The following DDX21 variants were observed in gnomAD, a reference collection of about 807,000 sequenced individuals.
The protein encoded by DDX21 is DExD-box helicase 21.
In DDX21, 18 loss-of-function variants were observed where a neutral mutation model predicts 90.0. That is an observed-to-expected ratio of 0.20 (90% CI 0.14 to 0.30). The LOEUF (loss-of-function observed/expected upper bound fraction) is 0.30, where lower values mean the gene tolerates loss of function less well. Ranked by LOEUF, DDX21 falls within the 10% of genes least tolerant of loss-of-function variation. The pLI is 1.00. For missense variants in DDX21, 673 were observed against 944.5 expected, an observed-to-expected ratio of 0.71 and a Z score of 3.77; for synonymous variants, 294 against 318.0, an observed-to-expected ratio of 0.92 and a Z score of 0.80.
chr10:68,969,718 C>T (rs559859950), intron 7 of DDX21, among the ~76,000 whole-genome samples: 91 of 152,198 alleles, frequency 6.0e-4, no homozygotes, highest in Non-Finnish European at 1.0e-3. Context: ...AAATCTAGTG[C>T]TTTGTGTTTA....
At chr10:68,973,473 A>T in intron 9 of DDX21, 72 bp from the exon 10 acceptor site, 1 of 1,590,874 alleles carries the variant, frequency 6.3e-7, no homozygotes, top group Non-Finnish European at 8.6e-7. Flanking sequence ...GTGTTCACTG[A>T]CCTGCATAGG....
At chr10:68,974,857 A>C in intron 11 of DDX21, 114 bp downstream of exon 11, 1 of 749,220 alleles carries the variant, frequency 1.3e-6, no homozygotes, top group Non-Finnish European at 2.1e-6. Flanking sequence ...TTTTTGAGAC[A>C]GGGTCTCACT....
chr10:68,975,414 C>A (rs1275643304), intron 11 of DDX21, among the ~76,000 whole-genome samples: 3 of 152,178 alleles, frequency 2.0e-5, no homozygotes, highest in South Asian at 2.1e-4. Context: ...GTGCCACATA[C>A]TCAGGGTAAG....
At chr10:68,978,405 T>C (rs1843137633) in intron 12 of DDX21, among the ~76,000 whole-genome samples, 1 of 152,224 alleles carries the variant, frequency 6.6e-6, no homozygotes, top group Non-Finnish European at 1.5e-5. Context: ...TTAATTGTTT[T>C]AATCCTAAAG....
intron 11 of DDX21, 112 bp from the exon 12 acceptor site, chr10:68,977,415 AAT>A (rs1843117138): frequency 8.2e-6 from 8 of 975,794 alleles, no homozygotes; most frequent in African/African-American, 1.6e-5. Context: ...ATCAAAAATA[AAT>A]ATGTTACACA....
Position 68,977,691 on chromosome 10 carries a change from A to G in DDX21, c.1902+3A>G. 6.2e-7 allele frequency: 1 copy of G among 1,608,614 alleles called. No homozygotes were observed. Among genetic ancestry groups the G allele is most frequent in the Admixed American group, 1.7e-5 (1 of 59,464 alleles). Reference sequence around the variant, plus strand: ...GCTCCTTGATCAACTCAAATGTGGTAAGGTTCTGCAGCACATTCCTGACAC... The same window carrying G: ...GCTCCTTGATCAACTCAAATGTGGTGAGGTTCTGCAGCACATTCCTGACAC... On this transcript the variant is annotated splice_donor_region_variant and intron_variant, in intron 12 of 14. Transcript: ENST00000354185.
intron 8 of DDX21, 53 bp downstream of exon 8, chr10:68,970,403 C>T: frequency 1.3e-6 from 2 of 1,554,344 alleles, no homozygotes; most frequent in Non-Finnish European, 1.7e-6. Flanking sequence ...AAATCTTCAC[C>T]TTGGGCATAT....
chr10:68,969,573 C>T lies in DDX21; in HGVS notation c.1236+452C>T, dbSNP rs140059931. Among the ~76,000 whole-genome samples the T allele has an allele frequency of 1.8e-3, 279 of 152,308 alleles. 1 individual carries two copies. The highest frequency in any genetic ancestry group is 6.4e-3 in the African/African-American group (265 of 41,560). ...GATTACAGGTGTGAGCCACCACGCC[C>T]GGCCCGATATCTGTGTTTTTAAAAT... On this transcript the variant is annotated intron_variant, in intron 7 of 14. Coordinates refer to ENST00000354185, the MANE Select transcript of DDX21 (RefSeq NM_004728.4).
chr10:68,963,160 T>G, intron 3 of DDX21, 131 bp from the exon 4 acceptor site: 1 of 910,242 alleles, frequency 1.1e-6, no homozygotes, highest in Non-Finnish European at 1.6e-6. Context: ...CCTAACTTTG[T>G]AGATGTTGAC....
At chr10:68,966,893 A>T (rs1842946708) in intron 5 of DDX21, 125 bp from the exon 6 acceptor site, 2 of 661,266 alleles carry the variant, frequency 3.0e-6, no homozygotes, top group South Asian at 5.5e-5. Flanking sequence ...ATTACTTAGC[A>T]TATTACTTTG....
chr10:68,958,105 T>A (rs983691650), intron 1 of DDX21, among the ~76,000 whole-genome samples: 1 of 152,162 alleles, frequency 6.6e-6, no homozygotes, highest in African/African-American at 2.4e-5. Context: ...TTTCATAAAG[T>A]GTCTCTTTAT....
chr10:68,958,562 G>A (rs567116214), intron 1 of DDX21, among the ~76,000 whole-genome samples: 2 of 152,008 alleles, frequency 1.3e-5, no homozygotes, highest in East Asian at 1.9e-4. Context: ...TCAGCCTCCC[G>A]AGTAGCTGGG....
intron 8 of DDX21, among the ~76,000 whole-genome samples, chr10:68,970,563 C>T (rs546615987): frequency 6.6e-6 from 1 of 150,898 alleles, no homozygotes; most frequent in African/African-American, 2.4e-5. Context: ...GATCTGGGCT[C>T]TCTGCCTCCT....
chr10:68,984,295 A>T lies in DDX21; in HGVS notation c.*1483A>T, dbSNP rs1843237129. 6.6e-6 allele frequency: 1 copy of T among 152,142 alleles called. No homozygotes were observed. Among genetic ancestry groups the T allele is most frequent in the South Asian group, 2.1e-4 (1 of 4,830 alleles). The allele number at this position is 152,142 out of a possible 1,614,324, so 9.4% of individuals were successfully genotyped here. On this transcript the variant is annotated 3_prime_UTR_variant, in exon 15 of 15. Coordinates refer to ENST00000354185, the MANE Select transcript of DDX21 (RefSeq NM_004728.4). ...CTTGCTTAATCCAGTCTTTATCTCT[A>T]ACTGCCCCTTATTTGATCACCATGT... is the stretch of plus-strand genomic sequence containing the variant.
At chr10:68,973,725 C>T in intron 10 of DDX21, 61 bp downstream of exon 10, 1 of 1,556,424 alleles carries the variant, frequency 6.4e-7, no homozygotes, top group South Asian at 1.2e-5. Context: ...TCTTTGGTTT[C>T]TTCAATTTTT....
chr10:68,957,060 G>C (rs1375318438), intron 1 of DDX21, among the ~76,000 whole-genome samples: 1 of 151,750 alleles, frequency 6.6e-6, no homozygotes. Flanking sequence ...AAAAAATGTG[G>C]GCACTGGAGC....
At chr10:68,981,851 T>TTGTGTGTG (rs141752628) in intron 14 of DDX21, among the ~76,000 whole-genome samples, 1 of 148,826 alleles carries the variant, frequency 6.7e-6, no homozygotes, top group African/African-American at 2.5e-5. Flanking sequence ...TATATAGATT[T>TTGTGTGTG]TGTGTGTGTG....
In DDX21 at chr10:68,982,834, A is replaced by G. The variant is rs1843213969; in HGVS notation, c.*22A>G. ...ATAATTAGAAATAGAAGATTTATATAGCAAAAAGAGAATGATGTTTGGCAA... is the reference window on the plus strand; with the variant it reads ...ATAATTAGAAATAGAAGATTTATATGGCAAAAAGAGAATGATGTTTGGCAA... On this transcript the variant is annotated 3_prime_UTR_variant, in exon 15 of 15. Coordinates refer to ENST00000354185, the MANE Select transcript of DDX21 (RefSeq NM_004728.4). 1 of 1,610,528 alleles carries G rather than the reference A, an allele frequency of 6.2e-7. No homozygotes were observed. Among genetic ancestry groups the G allele is most frequent in the Non-Finnish European group, 8.5e-7 (1 of 1,177,730 alleles).
rs1564630066 is a variant in DDX21 at position 68,977,990 on chromosome 10, G to C, written c.1902+302G>C. Among the ~76,000 whole-genome samples the C allele has an allele frequency of 3.3e-5, 5 of 151,998 alleles. No individual in the cohort carries two copies. The South Asian group carries it at 8.3e-4, about 25-fold the overall frequency. On this transcript the variant is annotated intron_variant, in intron 12 of 14. Coordinates refer to ENST00000354185, the MANE Select transcript of DDX21 (RefSeq NM_004728.4). Reference sequence around the variant, plus strand: ...AATTAGCTGGGCGTGGTGACATGCTGTGGTCCCAGCTACCTGGGAGGCTGG... The same window carrying C: ...AATTAGCTGGGCGTGGTGACATGCTCTGGTCCCAGCTACCTGGGAGGCTGG...
Sources: allele counts gnomAD v4.1 joint callset (sites outside exome capture counted in the v4.1 genomes callset), GRCh38; gene constraint gnomAD v4.1.1; transcripts MANE v1.5; gene names NCBI Gene and HGNC (gene_info 2026-07-23, HGNC 2026-07-21).